PLEKHM3: variants seen among roughly 807,000 people sequenced by gnomAD.
PLEKHM3 encodes the protein pleckstrin homology domain containing M3.
Under a neutral mutation model 81.8 loss-of-function variants are expected in PLEKHM3, and 45 were observed. The ratio of observed to expected loss-of-function variants is 0.55; its 90% confidence interval spans 0.43 to 0.71. The LOEUF (loss-of-function observed/expected upper bound fraction) is 0.71, where lower values mean the gene tolerates loss of function less well. Ranked by LOEUF, PLEKHM3 falls within the 30% of genes least tolerant of loss-of-function variation. The pLI is 0.00. For synonymous variants in PLEKHM3, 352 were observed against 356.4 expected (o/e 0.99, Z 0.14); for missense variants, 788 against 924.3 (o/e 0.85, Z 1.91).
intron 6 of PLEKHM3, among the ~76,000 whole-genome samples, chr2:207,863,265 C>T (rs10199486): frequency 0.29 from 44,781 of 152,032 alleles, 6,802 homozygotes; most frequent in Middle Eastern, 0.39. Flanking sequence ...ATGAAGCAGC[C>T]CCCCAGTGCC....
chr2:207,949,013 C>G (rs1690241622), intron 3 of PLEKHM3, among the ~76,000 whole-genome samples: 1 of 152,092 alleles, frequency 6.6e-6, no homozygotes, highest in Non-Finnish European at 1.5e-5. Flanking sequence ...TAATACAGAG[C>G]TTTACAAATA....
intron 1 of PLEKHM3, among the ~76,000 whole-genome samples, chr2:208,013,400 C>A (rs1692766019): frequency 6.6e-6 from 1 of 152,094 alleles, no homozygotes; most frequent in Non-Finnish European, 1.5e-5. Context: ...CCTGTAGTCC[C>A]AGTTACTGAG....
chr2:207,861,686 T>C (rs2092468256), intron 6 of PLEKHM3, among the ~76,000 whole-genome samples: 1 of 152,186 alleles, frequency 6.6e-6, no homozygotes, highest in African/African-American at 2.4e-5. Flanking sequence ...TCTGATGAAT[T>C]AATGGGATAG....
chr2:207,830,530 T>C (rs905035999), intron 7 of PLEKHM3, among the ~76,000 whole-genome samples: 2 of 151,278 alleles, frequency 1.3e-5, no homozygotes, highest in Admixed American at 6.6e-5. Flanking sequence ...GGAGAATTGC[T>C]TGAACCCGGG....
At chr2:207,936,511 G>A (rs1689755598) in intron 4 of PLEKHM3, among the ~76,000 whole-genome samples, 1 of 152,128 alleles carries the variant, frequency 6.6e-6, no homozygotes, top group Non-Finnish European at 1.5e-5. Flanking sequence ...CATATTTAGA[G>A]TCCATAAAGA....
intron 7 of PLEKHM3, among the ~76,000 whole-genome samples, chr2:207,844,557 A>T (rs6712011): frequency 6.6e-6 from 1 of 151,210 alleles, no homozygotes; most frequent in Non-Finnish European, 1.5e-5. Context: ...CCACCCGCCT[A>T]GGCCTCCCAA....
chr2:207,923,651 AGGT>A (rs1689262650), intron 5 of PLEKHM3, among the ~76,000 whole-genome samples: 1 of 151,064 alleles, frequency 6.6e-6, no homozygotes, highest in Non-Finnish European at 1.5e-5. Context: ...TATTGAAATA[AGGT>A]GATGAGAGTA....
intron 6 of PLEKHM3, among the ~76,000 whole-genome samples, chr2:207,905,841 C>T (rs1242264137): frequency 1.3e-5 from 2 of 151,964 alleles, no homozygotes; most frequent in Non-Finnish European, 2.9e-5. Context: ...TTATGGGGCT[C>T]CAGGGGCTAA....
chr2:207,985,405 C>T (rs1691682975), intron 2 of PLEKHM3, among the ~76,000 whole-genome samples: 1 of 151,800 alleles, frequency 6.6e-6, no homozygotes, highest in African/African-American at 2.4e-5. Context: ...CCTTATATTT[C>T]AAATACTATT....
chr2:207,853,151 G>A (rs2092421243), intron 7 of PLEKHM3, among the ~76,000 whole-genome samples: 1 of 152,172 alleles, frequency 6.6e-6, no homozygotes, highest in Non-Finnish European at 1.5e-5. Context: ...TATTTATTAG[G>A]GTCAGGATCA....
At chr2:207,960,039 A>G (rs751618644) in intron 3 of PLEKHM3, among the ~76,000 whole-genome samples, 51 of 152,200 alleles carry the variant, frequency 3.4e-4, no homozygotes, top group Non-Finnish European at 6.0e-4. Flanking sequence ...AGTATTTGCA[A>G]TAAGCTATTT....
At chr2:208,024,011 C>T (rs944911148) in intron 1 of PLEKHM3, among the ~76,000 whole-genome samples, 4 of 151,936 alleles carry the variant, frequency 2.6e-5, no homozygotes, top group Non-Finnish European at 5.9e-5. Context: ...GGCGTGGTGG[C>T]TTGTGCCTAT....
intron 1 of PLEKHM3, among the ~76,000 whole-genome samples, chr2:208,004,595 C>T (rs752108831): frequency 2.0e-5 from 3 of 152,120 alleles, no homozygotes; most frequent in Non-Finnish European, 4.4e-5. Context: ...TAAGAGGCCC[C>T]ACGAGCACTT....
intron 2 of PLEKHM3, among the ~76,000 whole-genome samples, chr2:208,000,119 A>T (rs549965329): frequency 6.6e-6 from 1 of 152,348 alleles, no homozygotes; most frequent in Admixed American, 6.5e-5. Flanking sequence ...TCATGTGCAC[A>T]CATATGTGTA....
In PLEKHM3 at chr2:207,992,929, C is replaced by A. The variant is rs190462336; in HGVS notation, c.610+8101G>T. 3.9e-5 allele frequency among the ~76,000 whole-genome samples: 6 copies of A among 152,114 alleles called. No homozygotes were observed. The East Asian group carries it at 1.2e-3, about 29-fold the overall frequency. On this transcript the variant is annotated intron_variant, in intron 2 of 7. Coordinates refer to ENST00000427836, the MANE Select transcript of PLEKHM3 (RefSeq NM_001080475.3). ...CAAAAATGGCAAAAAGGTTCAAAAG[C>A]AAGAAGGTATGGGTGATAAGGTTGG...
intron 3 of PLEKHM3, among the ~76,000 whole-genome samples, chr2:207,956,983 A>G (rs1482922473): frequency 1.3e-5 from 2 of 152,038 alleles, no homozygotes; most frequent in African/African-American, 2.4e-5. Flanking sequence ...GGAAACAGGA[A>G]GAAAGAAAGA....
chr2:207,987,507 T>C (rs945140396), intron 2 of PLEKHM3, among the ~76,000 whole-genome samples: 11 of 152,212 alleles, frequency 7.2e-5, no homozygotes, highest in Non-Finnish European at 1.2e-4. Context: ...CCTGGAACTC[T>C]GCACTGAGAA....
intron 1 of PLEKHM3, among the ~76,000 whole-genome samples, chr2:208,010,193 C>G (rs998150880): frequency 3.9e-5 from 6 of 152,232 alleles, no homozygotes; most frequent in African/African-American, 1.4e-4. Context: ...CAGTACATCT[C>G]TGCACATGTT....
intron 2 of PLEKHM3, among the ~76,000 whole-genome samples, chr2:207,997,414 C>G (rs534005287): frequency 1.3e-5 from 2 of 152,082 alleles, no homozygotes; most frequent in Admixed American, 1.3e-4. Context: ...AAGGAGCAGA[C>G]GAGGGAAGAA....
Sources: gnomAD v4.1 joint callset for allele counts (sites outside exome capture counted in the v4.1 genomes callset) on GRCh38, gnomAD v4.1.1 for gene constraint, MANE v1.5 for transcripts, NCBI Gene and HGNC (gene_info 2026-07-23, HGNC 2026-07-21) for gene names.